TDRD3: variants seen among roughly 807,000 people sequenced by gnomAD.
The protein encoded by TDRD3 is tudor domain containing 3, also known as tudor domain-containing protein 3.
Under a neutral mutation model 86.7 loss-of-function variants are expected in TDRD3, and 45 were observed. The ratio of observed to expected loss-of-function variants is 0.52; its 90% confidence interval spans 0.41 to 0.67. TDRD3 has a LOEUF of 0.67. Among genes scored for constraint, TDRD3 ranks in the 30% least tolerant of loss-of-function variants. The pLI, the probability that TDRD3 is intolerant of heterozygous loss-of-function variation, is 0.00. For missense variants in TDRD3, 814 were observed against 889.0 expected, an observed-to-expected ratio of 0.92 and a Z score of 1.07; for synonymous variants, 298 against 301.7, an observed-to-expected ratio of 0.99 and a Z score of 0.13.
intron 5 of TDRD3, among the ~76,000 whole-genome samples, chr13:60,467,931 G>A (rs1455698868): frequency 6.6e-6 from 1 of 152,066 alleles, no homozygotes; most frequent in Non-Finnish European, 1.5e-5. Context: ...ATCCATTGCA[G>A]TCAAATCTCG....
chr13:60,397,875 G>GCC (rs1220022076), intron 1 of TDRD3, among the ~76,000 whole-genome samples: 2 of 152,136 alleles, frequency 1.3e-5, no homozygotes, highest in Non-Finnish European at 2.9e-5. Context: ...GAAGTTGAGG[G>GCC]CAGAGCAGAG....
chr13:60,438,087 G>C (rs1428140917), intron 1 of TDRD3, among the ~76,000 whole-genome samples: 1 of 152,036 alleles, frequency 6.6e-6, no homozygotes, highest in Non-Finnish European at 1.5e-5. Flanking sequence ...CTTCTTGAGG[G>C]CAGGTGTTTA....
chr13:60,477,515 C>T (rs895891501), intron 5 of TDRD3, among the ~76,000 whole-genome samples: 5 of 151,962 alleles, frequency 3.3e-5, no homozygotes, highest in Non-Finnish European at 5.9e-5. Context: ...GTGCCCAGCT[C>T]GATGGCTCTT....
intron 1 of TDRD3, chr13:60,434,235 C>G (rs1336981063): frequency 6.6e-6 from 1 of 151,932 alleles, no homozygotes; most frequent in Admixed American, 6.6e-5. Flanking sequence ...TTTGGGAGGC[C>G]GAGGTGGGCG....
At chr13:60,482,752 G>A (rs537506107) in intron 5 of TDRD3, among the ~76,000 whole-genome samples, 64 of 151,418 alleles carry the variant, frequency 4.2e-4, no homozygotes, top group African/African-American at 8.5e-4. Flanking sequence ...CTTGACTGTC[G>A]TTACTCTTAA....
intron 3 of TDRD3, among the ~76,000 whole-genome samples, chr13:60,450,051 GT>G: frequency 6.6e-6 from 1 of 152,144 alleles, no homozygotes; most frequent in East Asian, 1.9e-4. Flanking sequence ...TAGGTCCCAT[GT>G]TAAATAATTT....
chr13:60,494,436 C>A lies in TDRD3; in HGVS notation c.719C>A (p.Thr240Asn), dbSNP rs1181166192. 1.9e-6 allele frequency: 3 copies of A among 1,611,866 alleles called. No homozygotes were observed. In the African/African-American group the frequency reaches 4.0e-5, roughly 22 times the overall value. Residue 240 changes from threonine to asparagine, a missense_variant and splice_region_variant, in exon 8 of 14, where the codon ACC (threonine) becomes AAC (asparagine). Thr to Asn is a moderately conservative substitution (Grantham distance 65). Transcript: ENST00000377881. ...AIAEVAKSKETKTFGGGGGGA... is the reference protein window; with the variant it reads ...AIAEVAKSKENKTFGGGGGGA... The stretch of plus-strand genomic sequence containing the variant: ...CTTTTATCTTTCTCTTATGTAAAGA[C>A]CAAGACATTTGGAGGAGGTGGTGGT...
chr13:60,570,114 AAAGTT>A (rs1958552622), intron 13 of TDRD3, among the ~76,000 whole-genome samples: 1 of 152,222 alleles, frequency 6.6e-6, no homozygotes, highest in Non-Finnish European at 1.5e-5. Context: ...AACAGTCAAC[AAAGTT>A]AAGAGACCAC....
In TDRD3 at chr13:60,535,105, C is replaced by T. The variant is rs1957670851; in HGVS notation, c.1993-3C>T. The T allele has an allele frequency of 8.7e-6, 14 of 1,613,302 alleles. No homozygotes were observed. Among genetic ancestry groups the T allele is most frequent in the Non-Finnish European group, 1.2e-5 (14 of 1,179,688 alleles). On this transcript the variant is annotated splice_region_variant and splice_polypyrimidine_tract_variant and intron_variant, in intron 11 of 13. Coordinates refer to ENST00000377881, the MANE Select transcript of TDRD3 (RefSeq NM_001146070.2). ...ATATTTAAAACTCCTTTTGCCTCCT[C>T]AGTTTTACCGGGCAGAAGTTGAAGC...
chr13:60,565,609 A>G (rs929685578), intron 12 of TDRD3, among the ~76,000 whole-genome samples: 7 of 151,992 alleles, frequency 4.6e-5, no homozygotes, highest in Admixed American at 2.0e-4. Context: ...TGTGTATTTT[A>G]TTAATAAAAT....
intron 13 of TDRD3, among the ~76,000 whole-genome samples, chr13:60,568,407 C>T (rs1478617237): frequency 6.6e-6 from 1 of 152,194 alleles, no homozygotes; most frequent in Non-Finnish European, 1.5e-5. Context: ...AGGTATTTTT[C>T]TTACGGCATG....
chr13:60,456,780 C>T (rs1955683156), intron 3 of TDRD3, among the ~76,000 whole-genome samples: 1 of 152,054 alleles, frequency 6.6e-6, no homozygotes, highest in Admixed American at 6.6e-5. Flanking sequence ...ACTGTAGCCT[C>T]CACCTCCCAG....
At chr13:60,416,210 T>G (rs1023044872) in intron 1 of TDRD3, among the ~76,000 whole-genome samples, 28 of 152,158 alleles carry the variant, frequency 1.8e-4, no homozygotes, top group African/African-American at 6.3e-4. Flanking sequence ...TTTCTCTAAG[T>G]GTAAAGTGTA....
At chr13:60,473,873 C>A (rs1310420836) in intron 5 of TDRD3, among the ~76,000 whole-genome samples, 4 of 152,160 alleles carry the variant, frequency 2.6e-5, no homozygotes, top group African/African-American at 9.7e-5. Flanking sequence ...CTAGCGGTAG[C>A]GTCAGTACCT....
chr13:60,524,928 A>G (rs1275592655), intron 10 of TDRD3, among the ~76,000 whole-genome samples: 1 of 151,332 alleles, frequency 6.6e-6, no homozygotes, highest in African/African-American at 2.4e-5. Flanking sequence ...CTCTACTAAA[A>G]ATACAAAAAT....
At chr13:60,515,504 T>G (rs879699007) in intron 10 of TDRD3, among the ~76,000 whole-genome samples, 47 of 152,326 alleles carry the variant, frequency 3.1e-4, no homozygotes, top group African/African-American at 1.1e-3. Context: ...AAGATTATTT[T>G]GCCTGTAGCT....
At chr13:60,444,838 C>A in intron 3 of TDRD3, 90 bp downstream of exon 3, 1 of 689,754 alleles carries the variant, frequency 1.4e-6, no homozygotes, top group Non-Finnish European at 2.2e-6. Flanking sequence ...TCAATAAAGA[C>A]TGCAATTGCA....
At chr13:60,487,075 C>T (rs1956455414) in intron 7 of TDRD3, among the ~76,000 whole-genome samples, 1 of 152,118 alleles carries the variant, frequency 6.6e-6, no homozygotes, top group Non-Finnish European at 1.5e-5. Context: ...AGGATGGTTG[C>T]ATCTGTACTA....
intron 1 of TDRD3, 39 bp from the exon 2 acceptor site, chr13:60,439,649 A>G (rs992950934): frequency 2.3e-5 from 34 of 1,474,002 alleles, no homozygotes; most frequent in Non-Finnish European, 3.0e-5. Context: ...GTTAATTTTG[A>G]TTTTAGATAA....
Sources: allele counts gnomAD v4.1 joint callset (sites outside exome capture counted in the v4.1 genomes callset), GRCh38; gene constraint gnomAD v4.1.1; transcripts MANE v1.5; gene names NCBI Gene and HGNC (gene_info 2026-07-23, HGNC 2026-07-21).